The following ROBO1 variants were observed in gnomAD, a reference collection of about 807,000 sequenced individuals.
ROBO1 encodes the protein roundabout guidance receptor 1.
ROBO1 carries 149 observed loss-of-function variants against 195.9 expected under a neutral mutation model. That is an observed-to-expected ratio of 0.76 (90% CI 0.67 to 0.87). The LOEUF (loss-of-function observed/expected upper bound fraction) is 0.87, where lower values mean the gene tolerates loss of function less well. ROBO1 is among the 40% of genes least tolerant of loss of function. ROBO1 has a pLI of 0.00. For synonymous variants in ROBO1, 816 were observed against 733.2 expected (o/e 1.11, Z -1.82); for missense variants, 1,933 against 2,068.3 (o/e 0.93, Z 1.27).
At chr3:79,221,245 C>T (rs1295135983) in intron 2 of ROBO1, among the ~76,000 whole-genome samples, 1 of 152,024 alleles carries the variant, frequency 6.6e-6, no homozygotes, top group Non-Finnish European at 1.5e-5. Context: ...ATGGCTTCAA[C>T]TACATTATAT....
intron 5 of ROBO1, among the ~76,000 whole-genome samples, chr3:78,738,863 G>GA (rs943917737): frequency 1.2e-4 from 18 of 151,926 alleles, no homozygotes; most frequent in Non-Finnish European, 2.1e-4. Context: ...TAGATGAAAT[G>GA]AAAAAAATAG....
At chr3:79,671,990 C>T (rs1487603378) in intron 1 of ROBO1, among the ~76,000 whole-genome samples, 2 of 152,074 alleles carry the variant, frequency 1.3e-5, no homozygotes, top group South Asian at 4.1e-4. Flanking sequence ...TCCTCTGTCA[C>T]TTAGTTTCTT....
intron 2 of ROBO1, among the ~76,000 whole-genome samples, chr3:79,430,221 G>GT (rs1314515898): frequency 3.9e-5 from 6 of 152,054 alleles, no homozygotes; most frequent in Non-Finnish European, 8.8e-5. Flanking sequence ...TCTTAAACAT[G>GT]TAAGTGTAAG....
chr3:78,604,818 G>C (rs1356362477), intron 29 of ROBO1, among the ~76,000 whole-genome samples: 1 of 152,174 alleles, frequency 6.6e-6, no homozygotes, highest in African/African-American at 2.4e-5. Context: ...AAGTGCCCCT[G>C]TAGGTTTTTA....
At chr3:79,254,656 A>G (rs1417005789) in intron 2 of ROBO1, among the ~76,000 whole-genome samples, 1 of 152,204 alleles carries the variant, frequency 6.6e-6, no homozygotes, top group Non-Finnish European at 1.5e-5. Flanking sequence ...TTATGAAAGT[A>G]GCAATAAACT....
intron 4 of ROBO1, among the ~76,000 whole-genome samples, chr3:78,792,403 C>T (rs1330768005): frequency 2.0e-5 from 3 of 152,066 alleles, no homozygotes; most frequent in African/African-American, 7.2e-5. Context: ...ACTAATGTGC[C>T]ATTATTAGAT....
intron 3 of ROBO1, among the ~76,000 whole-genome samples, chr3:78,999,289 A>T (rs184915406): frequency 1.3e-5 from 2 of 152,312 alleles, no homozygotes; most frequent in East Asian, 3.9e-4. Flanking sequence ...AATACCAAAG[A>T]CATGGAACCA....
intron 2 of ROBO1, among the ~76,000 whole-genome samples, chr3:79,212,489 T>C (rs1240822934): frequency 1.3e-5 from 2 of 152,170 alleles, no homozygotes; most frequent in Non-Finnish European, 2.9e-5. Context: ...CTGTCTTTTT[T>C]AGTGAATAAC....
intron 2 of ROBO1, among the ~76,000 whole-genome samples, chr3:79,535,131 C>G (rs900300159): frequency 6.6e-6 from 1 of 152,030 alleles, no homozygotes; most frequent in Non-Finnish European, 1.5e-5. Context: ...AAGAATTATC[C>G]CGAGTCTTCA....
chr3:79,489,547 C>T (rs934427987), intron 2 of ROBO1, among the ~76,000 whole-genome samples: 2 of 150,386 alleles, frequency 1.3e-5, no homozygotes, highest in South Asian at 4.2e-4. Flanking sequence ...CCCAGCTACT[C>T]GGGAGGCTGA....
intron 2 of ROBO1, among the ~76,000 whole-genome samples, chr3:79,274,889 A>G (rs993760040): frequency 2.0e-5 from 3 of 152,016 alleles, no homozygotes; most frequent in African/African-American, 7.2e-5. Context: ...CCTAGAAGAA[A>G]TGAATAAATT....
intron 2 of ROBO1, among the ~76,000 whole-genome samples, chr3:79,545,403 TA>T (rs1484890646): frequency 6.6e-6 from 1 of 152,226 alleles, no homozygotes; most frequent in Non-Finnish European, 1.5e-5. Flanking sequence ...GTATAGACAC[TA>T]AATAGACAGT....
chr3:79,547,515 G>A (rs1190231187), intron 2 of ROBO1, among the ~76,000 whole-genome samples: 1 of 151,982 alleles, frequency 6.6e-6, no homozygotes, highest in Non-Finnish European at 1.5e-5. Flanking sequence ...AAAGTTTTAG[G>A]AAATTTCCAA....
chr3:78,774,621 C>T (rs12714472), intron 4 of ROBO1, among the ~76,000 whole-genome samples: 2 of 55,010 alleles, frequency 3.6e-5, no homozygotes, highest in Non-Finnish European at 8.3e-5. Flanking sequence ...AAAAAAAAAT[C>T]TACCACTTGA....
intron 2 of ROBO1, among the ~76,000 whole-genome samples, chr3:79,194,504 G>A (rs904571923): frequency 9.2e-5 from 14 of 151,596 alleles, no homozygotes; most frequent in African/African-American, 2.9e-4. Context: ...ACTTGGACAC[G>A]AGGGAGCCCT....
intron 4 of ROBO1, among the ~76,000 whole-genome samples, chr3:78,814,783 T>C (rs529730499): frequency 6.6e-6 from 1 of 152,238 alleles, no homozygotes; most frequent in African/African-American, 2.4e-5. Context: ...CATACCTCAT[T>C]TTATAGTGCT....
intron 1 of ROBO1, among the ~76,000 whole-genome samples, chr3:79,674,696 T>C (rs180720755): frequency 1.3e-5 from 2 of 152,004 alleles, no homozygotes; most frequent in African/African-American, 4.8e-5. Flanking sequence ...TCCTAGGCAA[T>C]GATTTAAATA....
At chr3:79,099,982 C>T (rs1210363307) in intron 3 of ROBO1, among the ~76,000 whole-genome samples, 3 of 151,892 alleles carry the variant, frequency 2.0e-5, no homozygotes, top group East Asian at 1.9e-4. Context: ...CTATTCTGGG[C>T]TGCTGGGTAG....
intron 10 of ROBO1, among the ~76,000 whole-genome samples, chr3:78,682,479 G>A (rs2080942390): frequency 7.2e-6 from 1 of 139,454 alleles, no homozygotes; most frequent in Non-Finnish European, 1.5e-5. Context: ...ATATGACTGT[G>A]TATATATGTG....
Sources: allele counts gnomAD v4.1 joint callset (sites outside exome capture counted in the v4.1 genomes callset), GRCh38; gene constraint gnomAD v4.1.1; transcripts MANE v1.5; gene names NCBI Gene and HGNC (gene_info 2026-07-23, HGNC 2026-07-21).